Variants in NRG3 observed in about 807,000 individuals in gnomAD.
NRG3 encodes the protein pro-neuregulin-3, membrane-bound isoform.
NRG3 carries 31 observed loss-of-function variants against 66.9 expected under a neutral mutation model. The ratio of observed to expected loss-of-function variants is 0.46; its 90% CI spans 0.35 to 0.63. The LOEUF (loss-of-function observed/expected upper bound fraction) is 0.63, where lower values mean the gene tolerates loss of function less well. Among genes scored for constraint, NRG3 ranks in the 20% least tolerant of loss-of-function variants. The probability of loss-of-function intolerance (pLI) is 0.00; values close to 1 mark genes in which losing one functional copy is unlikely to be tolerated. For synonymous variants in NRG3, 393 were observed against 359.4 expected (o/e 1.09, Z -1.06); for missense variants, 910 against 878.9 (o/e 1.04, Z -0.45).
intron 1 of NRG3, among the ~76,000 whole-genome samples, chr10:82,003,988 AACAC>A (rs746699197): frequency 0.09 from 12,145 of 134,252 alleles, 755 homozygotes; most frequent in African/African-American, 0.19. Context: ...CCTGACTGAA[AACAC>A]ACACACACAC....
At chr10:81,894,247 A>G (rs566590290) in intron 1 of NRG3, among the ~76,000 whole-genome samples, 3 of 152,334 alleles carry the variant, frequency 2.0e-5, no homozygotes, top group South Asian at 4.1e-4. Context: ...AGACTGAGGC[A>G]GGAGAATCGC....
intron 1 of NRG3, among the ~76,000 whole-genome samples, chr10:82,021,783 AGTATGTGTGTGTGTGTGTGTGTGTGT>A (rs55951345): frequency 0.17 from 25,401 of 146,470 alleles, 2,393 homozygotes; most frequent in Middle Eastern, 0.22. Context: ...TTGGGCATGT[AGTATGTGTGTGTGTGTGTGTGTGTGT>A]GTGTGTGTGT....
At chr10:82,112,730 A>G (rs1330207351) in intron 1 of NRG3, among the ~76,000 whole-genome samples, 1 of 152,106 alleles carries the variant, frequency 6.6e-6, no homozygotes, top group Non-Finnish European at 1.5e-5. Flanking sequence ...ATCCCAAATG[A>G]TCTTGTTGAA....
chr10:82,516,975 C>G (rs532480158), intron 2 of NRG3, among the ~76,000 whole-genome samples: 1 of 152,080 alleles, frequency 6.6e-6, no homozygotes, highest in African/African-American at 2.4e-5. Flanking sequence ...ATATATGAAA[C>G]AATGCTCTTT....
intron 3 of NRG3, among the ~76,000 whole-genome samples, chr10:82,815,419 A>G (rs556404890): frequency 7.0e-4 from 106 of 152,246 alleles, no homozygotes; most frequent in African/African-American, 2.6e-3. Flanking sequence ...GCTTACAACA[A>G]ACATCATGAG....
At chr10:82,328,621 AACCT>A in intron 1 of NRG3, among the ~76,000 whole-genome samples, 2 of 152,160 alleles carry the variant, frequency 1.3e-5, no homozygotes, top group Non-Finnish European at 2.9e-5. Flanking sequence ...AATTTCTGTT[AACCT>A]CACCATAGTC....
chr10:82,954,235 CA>C (rs1849814341), intron 5 of NRG3, among the ~76,000 whole-genome samples: 1 of 151,912 alleles, frequency 6.6e-6, no homozygotes, highest in Non-Finnish European at 1.5e-5. Context: ...AGCAGTTAAT[CA>C]CTTATTTTTA....
chr10:82,446,907 G>A (rs998339331), intron 2 of NRG3, among the ~76,000 whole-genome samples: 1 of 152,196 alleles, frequency 6.6e-6, no homozygotes, highest in African/African-American at 2.4e-5. Context: ...TAAGAAGGCA[G>A]ATTTCTTATT....
intron 3 of NRG3, among the ~76,000 whole-genome samples, chr10:82,742,837 T>G (rs2058484294): frequency 6.6e-6 from 1 of 152,086 alleles, no homozygotes; most frequent in African/African-American, 2.4e-5. Flanking sequence ...TCCTCAGCCT[T>G]GAAGCACAGT....
chr10:82,435,591 T>C (rs1263248425), intron 2 of NRG3, among the ~76,000 whole-genome samples: 5 of 152,114 alleles, frequency 3.3e-5, no homozygotes, highest in Admixed American at 3.3e-4. Context: ...TTTACTGCTA[T>C]ATATTTCCCT....
chr10:82,685,929 G>A (rs2054476740), intron 2 of NRG3, among the ~76,000 whole-genome samples: 1 of 152,078 alleles, frequency 6.6e-6, no homozygotes, highest in African/African-American at 2.4e-5. Context: ...GGTCTTCAGG[G>A]ACAATAACAC....
intron 2 of NRG3, among the ~76,000 whole-genome samples, chr10:82,712,690 C>T (rs760708573): frequency 6.6e-6 from 1 of 152,058 alleles, no homozygotes; most frequent in Non-Finnish European, 1.5e-5. Flanking sequence ...TCACTGGAGC[C>T]TAAGTTGTCA....
intron 1 of NRG3, among the ~76,000 whole-genome samples, chr10:82,182,118 T>A (rs760027886): frequency 3.3e-5 from 5 of 151,632 alleles, no homozygotes; most frequent in Admixed American, 1.3e-4. Context: ...TTTTCCATAC[T>A]TTCAGTTTCA....
intron 1 of NRG3, among the ~76,000 whole-genome samples, chr10:82,170,745 A>G (rs535207899): frequency 3.0e-3 from 434 of 144,958 alleles, no homozygotes; most frequent in Middle Eastern, 0.011. Flanking sequence ...GTTAATGGCC[A>G]TCATTACAAA....
intron 7 of NRG3, among the ~76,000 whole-genome samples, chr10:82,977,217 G>A (rs1852351372): frequency 6.6e-6 from 1 of 152,144 alleles, no homozygotes; most frequent in Non-Finnish European, 1.5e-5. Flanking sequence ...GGAAGGCAAG[G>A]AAGCAAATTA....
chr10:82,904,356 T>A (rs1466772895), intron 4 of NRG3, among the ~76,000 whole-genome samples: 1 of 152,162 alleles, frequency 6.6e-6, no homozygotes, highest in Non-Finnish European at 1.5e-5. Context: ...TCACAGTGCC[T>A]CTTTAATGTG....
At chr10:81,894,359 T>G (rs1438969688) in intron 1 of NRG3, among the ~76,000 whole-genome samples, 1 of 152,016 alleles carries the variant, frequency 6.6e-6, no homozygotes, top group Non-Finnish European at 1.5e-5. Context: ...AAGAAAATAA[T>G]TTATTTTTAT....
chr10:82,078,245 C>T (rs538610276), intron 1 of NRG3, among the ~76,000 whole-genome samples: 2 of 152,216 alleles, frequency 1.3e-5, no homozygotes, highest in East Asian at 3.9e-4. Context: ...GGTGGTTTTC[C>T]AGTTTTCCTC....
intron 1 of NRG3, among the ~76,000 whole-genome samples, chr10:82,016,253 C>T (rs1180717213): frequency 6.6e-6 from 1 of 152,002 alleles, no homozygotes; most frequent in Non-Finnish European, 1.5e-5. Flanking sequence ...ATAGAATGTG[C>T]TTTTACTGTA....
Sources: allele counts gnomAD v4.1 joint callset (sites outside exome capture counted in the v4.1 genomes callset), GRCh38; gene constraint gnomAD v4.1.1; transcripts MANE v1.5; gene names NCBI Gene and HGNC (gene_info 2026-07-23, HGNC 2026-07-21).